PDLIM5: variants seen among roughly 807,000 people sequenced by gnomAD.
The protein encoded by PDLIM5 is PDZ and LIM domain protein 5.
A neutral mutation model predicts 64.2 loss-of-function variants in PDLIM5; 34 were observed. The observed-to-expected ratio is 0.53, with a 90% confidence interval of 0.40 to 0.71. PDLIM5 has a LOEUF of 0.71. Among genes scored for constraint, PDLIM5 ranks in the 30% least tolerant of loss-of-function variants. The probability of loss-of-function intolerance (pLI) is 0.00; values close to 1 mark genes in which losing one functional copy is unlikely to be tolerated. For missense variants in PDLIM5, 683 were observed against 733.6 expected (o/e 0.93, Z 0.80); for synonymous variants, 253 against 269.1 (o/e 0.94, Z 0.59).
In PDLIM5 at chr4:94,605,268, G is replaced by C. The variant is rs967276607; in HGVS notation, c.921-12736G>C. ...ACTGGTCCTACAGGATGGTAAGGAT[G>C]GTAAATTAGTAGATGGACAACTCAC... On this transcript the variant is annotated intron_variant, in intron 7 of 12. Coordinates refer to ENST00000317968, the MANE Select transcript of PDLIM5 (RefSeq NM_006457.5). 1.2e-4 allele frequency among the ~76,000 whole-genome samples: 19 copies of C among 152,232 alleles called. No homozygotes were observed. In the East Asian group the frequency reaches 2.9e-3, roughly 23 times the overall value.
chr4:94,641,789 G>A (rs1560760107), intron 9 of PDLIM5, among the ~76,000 whole-genome samples: 1 of 152,130 alleles, frequency 6.6e-6, no homozygotes, highest in African/African-American at 2.4e-5. Flanking sequence ...AGTGGTTATG[G>A]GGAGAAAGGG....
intron 3 of PDLIM5, among the ~76,000 whole-genome samples, chr4:94,531,499 A>T (rs1443978099): frequency 6.6e-6 from 1 of 152,210 alleles, no homozygotes; most frequent in Non-Finnish European, 1.5e-5. Context: ...CAATATGCTA[A>T]TACTAGCGAT....
intron 3 of PDLIM5, among the ~76,000 whole-genome samples, chr4:94,536,392 A>T (rs1408941795): frequency 1.3e-5 from 2 of 152,222 alleles, no homozygotes; most frequent in African/African-American, 4.8e-5. Context: ...AAAAATAAAA[A>T]TAGCTTAATT....
chr4:94,467,151 G>A (rs1724436776), intron 2 of PDLIM5, among the ~76,000 whole-genome samples: 1 of 152,106 alleles, frequency 6.6e-6, no homozygotes, highest in African/African-American at 2.4e-5. Context: ...GAAAACCCCC[G>A]AGTCTTATTT....
At chr4:94,537,982 T>C (rs915603038) in intron 3 of PDLIM5, among the ~76,000 whole-genome samples, 6 of 152,200 alleles carry the variant, frequency 3.9e-5, no homozygotes, top group Non-Finnish European at 5.9e-5. Context: ...ATTTATTTCA[T>C]AGGAGACAGA....
intron 3 of PDLIM5, among the ~76,000 whole-genome samples, chr4:94,556,864 A>C (rs985687256): frequency 1.3e-5 from 2 of 151,862 alleles, no homozygotes; most frequent in East Asian, 3.9e-4. Context: ...TTGCCTGTTC[A>C]CTCTGATGGT....
At chr4:94,488,250 C>G (rs942844660) in intron 2 of PDLIM5, among the ~76,000 whole-genome samples, 1 of 152,136 alleles carries the variant, frequency 6.6e-6, no homozygotes, top group African/African-American at 2.4e-5. Flanking sequence ...AGTTAATATT[C>G]TTGAATTGAA....
chr4:94,493,004 C>T (rs1399290149), intron 2 of PDLIM5, among the ~76,000 whole-genome samples: 3 of 152,138 alleles, frequency 2.0e-5, no homozygotes, highest in African/African-American at 4.8e-5. Context: ...TGTATGAGGG[C>T]TGCACTTTCT....
intron 3 of PDLIM5, among the ~76,000 whole-genome samples, chr4:94,554,795 A>T (rs1035561896): frequency 6.6e-6 from 1 of 152,190 alleles, no homozygotes; most frequent in African/African-American, 2.4e-5. Flanking sequence ...TACATTCTAT[A>T]TCTATATATA....
At chr4:94,579,806 G>T (rs1371563433) in intron 5 of PDLIM5, among the ~76,000 whole-genome samples, 1 of 152,114 alleles carries the variant, frequency 6.6e-6, no homozygotes, top group Admixed American at 6.6e-5. Context: ...TTGGGAAAAT[G>T]TAATTTATAT....
At chr4:94,644,023 A>G (rs766004489) in intron 9 of PDLIM5, among the ~76,000 whole-genome samples, 4 of 152,260 alleles carry the variant, frequency 2.6e-5, no homozygotes, top group Non-Finnish European at 5.9e-5. Context: ...ACCAAGACTC[A>G]TAAACAAGAC....
intron 3 of PDLIM5, among the ~76,000 whole-genome samples, chr4:94,548,277 C>T (rs1400412351): frequency 6.6e-6 from 1 of 152,196 alleles, no homozygotes; most frequent in Non-Finnish European, 1.5e-5. Context: ...ATACCTACCA[C>T]TCAAATGGAT....
intron 8 of PDLIM5, among the ~76,000 whole-genome samples, chr4:94,631,543 A>G (rs1740147846): frequency 6.6e-6 from 1 of 152,166 alleles, no homozygotes; most frequent in Non-Finnish European, 1.5e-5. Context: ...AACTATCACT[A>G]TCCCCTCCTC....
At chr4:94,575,393 A>G (rs1466636699) in intron 4 of PDLIM5, among the ~76,000 whole-genome samples, 1 of 152,094 alleles carries the variant, frequency 6.6e-6, no homozygotes, top group East Asian at 1.9e-4. Flanking sequence ...TTTTATTTTT[A>G]AAAATTATAC....
chr4:94,487,167 T>C (rs1460961137), intron 2 of PDLIM5, among the ~76,000 whole-genome samples: 1 of 152,216 alleles, frequency 6.6e-6, no homozygotes, highest in Admixed American at 6.5e-5. Context: ...TATTCTTTTT[T>C]GGGTTTTTTG....
chr4:94,575,817 C>T lies in PDLIM5; in HGVS notation c.493C>T (p.Pro165Ser). Residue 165 changes from proline (P) to serine (S), a missense_variant, in exon 5 of 13, where the codon CCC becomes TCC. Transcript: ENST00000317968. ...CACCTCATCACATGCTTCCCCTTCACCCGTGGCTGCCGTCACTCCTCCCCT... is the reference window on the plus strand; with the variant it reads ...CACCTCATCACATGCTTCCCCTTCATCCGTGGCTGCCGTCACTCCTCCCCT... Reference protein sequence around the residue: ...ATTSSHASPSPVAAVTPPLFA... With the variant: ...ATTSSHASPSSVAAVTPPLFA... 6.2e-7 allele frequency: 1 copy of T among 1,614,162 alleles called. No homozygotes were observed.
At chr4:94,485,849 CAAAAAAAA>C (rs10637280) in intron 2 of PDLIM5, among the ~76,000 whole-genome samples, 12 of 100,246 alleles carry the variant, frequency 1.2e-4, no homozygotes, top group Non-Finnish European at 2.4e-4. Flanking sequence ...GACTCCGTCT[CAAAAAAAA>C]AAAAAAAAAG....
At chr4:94,494,429 C>CTTGGTTTTTTTT (rs1727157489) in intron 2 of PDLIM5, among the ~76,000 whole-genome samples, 1 of 51,600 alleles carries the variant, frequency 1.9e-5, no homozygotes, top group Non-Finnish European at 4.5e-5. Flanking sequence ...TTTTTTTTTT[C>CTTGGTTTTTTTT]TTGTTTTTTT....
intron 3 of PDLIM5, among the ~76,000 whole-genome samples, chr4:94,527,469 TCTTCC>T (rs1730478074): frequency 6.6e-6 from 1 of 152,212 alleles, no homozygotes; most frequent in Non-Finnish European, 1.5e-5. Flanking sequence ...TTCAGTGAAC[TCTTCC>T]CTTCATAAAC....
Sources: allele counts gnomAD v4.1 joint callset (sites outside exome capture counted in the v4.1 genomes callset), GRCh38; gene constraint gnomAD v4.1.1; transcripts MANE v1.5; gene names NCBI Gene and HGNC (gene_info 2026-07-23, HGNC 2026-07-21).